The following TMEM232 variants were observed in gnomAD, a reference collection of about 807,000 sequenced individuals.
TMEM232 encodes the protein transmembrane protein 232.
TMEM232 carries 80 observed loss-of-function variants against 78.8 expected under a neutral mutation model. The ratio of observed to expected loss-of-function variants is 1.01; its 90% CI spans 0.85 to 1.22. The LOEUF is 1.22. TMEM232 is among the 50% of genes most tolerant of loss of function. TMEM232 has a pLI of 0.00. For missense variants in TMEM232, 881 were observed against 742.2 expected (o/e 1.19, Z -2.17); for synonymous variants, 297 against 254.3 (o/e 1.17, Z -1.60).
chr5:110,632,082 G>A (rs1035961174), intron 5 of TMEM232, among the ~76,000 whole-genome samples: 26 of 152,056 alleles, frequency 1.7e-4, no homozygotes, highest in Non-Finnish European at 2.5e-4. Flanking sequence ...AAACTTCACC[G>A]TAGCCTCCAC....
rs576970139 is a variant in TMEM232, at chr5:110,599,281, G to T, written c.1276+5828C>A. On this transcript the variant is annotated intron_variant, in intron 10 of 13. Transcript: ENST00000455884. ...CATCAACTACTGTGCAAAATAACCA[G>T]CTAGCATCATGAAGACAGGATCAAA... is the stretch of plus-strand genomic sequence containing the variant. 1.7e-3 allele frequency among the ~76,000 whole-genome samples: 261 copies of T among 152,168 alleles called. 1 individual carries two copies. Among genetic ancestry groups the T allele is most frequent in the African/African-American group, 5.7e-3 (236 of 41,528 alleles).
chr5:110,738,315 A>G, upstream of TMEM232: 1 of 1,192,498 alleles, frequency 8.4e-7, no homozygotes. Flanking sequence ...TGAACGATAT[A>G]ACTGGGATTT....
chr5:110,419,125 G>A (rs920993625), downstream of TMEM232, among the ~76,000 whole-genome samples: 5 of 151,996 alleles, frequency 3.3e-5, no homozygotes, highest in East Asian at 1.9e-4. Flanking sequence ...GATTTTGGAA[G>A]AGAGAAGATT....
chr5:110,733,823 T>G (rs575925238), intron 2 of TMEM232, among the ~76,000 whole-genome samples: 1 of 152,324 alleles, frequency 6.6e-6, no homozygotes, highest in East Asian at 1.9e-4. Flanking sequence ...ACATGTACCC[T>G]TGAACCTAAA....
intron 2 of TMEM232, among the ~76,000 whole-genome samples, chr5:110,653,909 T>C (rs564454716): frequency 6.0e-4 from 91 of 152,272 alleles, no homozygotes; most frequent in South Asian, 3.9e-3. Context: ...TTCACCGACA[T>C]ATCAGTGATG....
upstream of TMEM232, among the ~76,000 whole-genome samples, chr5:110,729,165 G>A (rs778876259): frequency 2.2e-4 from 33 of 152,182 alleles, no homozygotes; most frequent in South Asian, 4.2e-4. Context: ...GATTAAAGGC[G>A]TGAGCCACCG....
chr5:110,692,611 G>A (rs1016804858), intron 1 of TMEM232, among the ~76,000 whole-genome samples: 5 of 152,184 alleles, frequency 3.3e-5, no homozygotes, highest in Admixed American at 1.3e-4. Flanking sequence ...CTAATACTGC[G>A]CTTTTCCAAC....
chr5:110,490,415 G>C (rs955597842), intron 12 of TMEM232, among the ~76,000 whole-genome samples: 12 of 152,066 alleles, frequency 7.9e-5, no homozygotes, highest in African/African-American at 2.9e-4. Context: ...TAGAACACTT[G>C]ATGTTAAGAT....
Position 110,731,925 on chromosome 5 carries a change from C to T in TMEM232, c.-13+2978G>A, listed in dbSNP as rs188008359. Among the ~76,000 whole-genome samples the T allele has an allele frequency of 3.5e-3, 535 of 152,286 alleles. 10 individuals are homozygous for T. The highest frequency in any genetic ancestry group is 0.031 in the Admixed American group (481 of 15,300). ...ACTGCATCATCAGGCTGCAAATTTT[C>T]TGAACTTTTATGCTCTGTTTCCCTT... On this transcript the variant is annotated intron_variant, in intron 2 of 4. Coordinates refer to the TMEM232 transcript ENST00000512886.
At chr5:110,652,828 T>C (rs1788526243) in intron 2 of TMEM232, among the ~76,000 whole-genome samples, 2 of 152,304 alleles carry the variant, frequency 1.3e-5, no homozygotes, top group African/African-American at 4.8e-5. Context: ...TTCTCTGAAA[T>C]ATCAAAGGAT....
At chr5:110,671,057 C>T (rs893314105) in intron 1 of TMEM232, among the ~76,000 whole-genome samples, 2 of 151,782 alleles carry the variant, frequency 1.3e-5, no homozygotes, top group Non-Finnish European at 2.9e-5. Context: ...AAAAGCAAAC[C>T]GATGAAAGAC....
chr5:110,587,691 ATGTGTGTGTGTGTGTG>A (rs147127408), intron 10 of TMEM232, among the ~76,000 whole-genome samples: 29 of 63,122 alleles, frequency 4.6e-4, no homozygotes, highest in South Asian at 1.2e-3. Flanking sequence ...ATATATATAT[ATGTGTGTGTGTGTGTG>A]TGTGTGTGTG....
chr5:110,704,220 G>A (rs10068344), intron 1 of TMEM232, among the ~76,000 whole-genome samples: 11,296 of 152,114 alleles, frequency 0.074, 510 homozygotes, highest in South Asian at 0.18. Context: ...GGGTTCACCT[G>A]AACTTTGTTG....
intron 12 of TMEM232, among the ~76,000 whole-genome samples, chr5:110,484,117 C>A (rs1006063255): frequency 6.6e-6 from 1 of 152,008 alleles, no homozygotes; most frequent in African/African-American, 2.4e-5. Context: ...ACATTAAGTA[C>A]ACATGGATAT....
chr5:110,705,780 G>GTA (rs1370323140), intron 1 of TMEM232, among the ~76,000 whole-genome samples: 2 of 131,964 alleles, frequency 1.5e-5, no homozygotes, highest in Non-Finnish European at 3.4e-5. Context: ...GTGTGTGTGT[G>GTA]TATGTGTGTG....
At chr5:110,583,966 CAAAAAAA>C (rs60079206) in intron 10 of TMEM232, among the ~76,000 whole-genome samples, 2 of 99,084 alleles carry the variant, frequency 2.0e-5, no homozygotes, top group East Asian at 5.2e-4. Flanking sequence ...TATCTATTAT[CAAAAAAA>C]AAAAAAAAAA....
chr5:110,630,352 G>A (rs766839594), intron 5 of TMEM232, among the ~76,000 whole-genome samples: 1 of 152,136 alleles, frequency 6.6e-6, no homozygotes, highest in Non-Finnish European at 1.5e-5. Flanking sequence ...GAGAACACTG[G>A]AGTCCAACAG....
intron 5 of TMEM232, among the ~76,000 whole-genome samples, chr5:110,630,858 C>T (rs186851857): frequency 4.6e-5 from 7 of 152,146 alleles, no homozygotes; most frequent in African/African-American, 9.6e-5. Context: ...CCATGGACTG[C>T]GGCAATCTGA....
chr5:110,598,005 T>C (rs1421242145), intron 10 of TMEM232, among the ~76,000 whole-genome samples: 1 of 151,948 alleles, frequency 6.6e-6, no homozygotes, highest in East Asian at 1.9e-4. Context: ...AAGCCAAAAT[T>C]GACAAATGGG....
Sources: allele counts gnomAD v4.1 joint callset (sites outside exome capture counted in the v4.1 genomes callset), GRCh38; gene constraint gnomAD v4.1.1; transcripts MANE v1.5; gene names NCBI Gene and HGNC (gene_info 2026-07-23, HGNC 2026-07-21).